MACROD2: variants seen among roughly 807,000 people sequenced by gnomAD.
MACROD2 encodes the protein mono-ADP ribosylhydrolase 2, also known as ADP-ribose glycohydrolase MACROD2.
A neutral mutation model predicts 70.4 loss-of-function variants in MACROD2; 36 were observed. The ratio of observed to expected loss-of-function variants is 0.51; its 90% CI spans 0.39 to 0.68. The LOEUF (loss-of-function observed/expected upper bound fraction) is 0.68, where lower values mean the gene tolerates loss of function less well. Among genes scored for constraint, MACROD2 ranks in the 30% least tolerant of loss-of-function variants. The probability of loss-of-function intolerance (pLI) is 0.00; values close to 1 mark genes in which losing one functional copy is unlikely to be tolerated. For missense variants in MACROD2, 496 were observed against 538.4 expected (o/e 0.92, Z 0.78); for synonymous variants, 172 against 178.8 (o/e 0.96, Z 0.30).
At chr20:14,474,368 G>A (rs1302003745) in intron 3 of MACROD2, among the ~76,000 whole-genome samples, 1 of 152,004 alleles carries the variant, frequency 6.6e-6, no homozygotes, top group Non-Finnish European at 1.5e-5. Flanking sequence ...TTAAAATTTT[G>A]TTAAGACTTG....
At chr20:14,716,819 C>T (rs1443230782) in intron 5 of MACROD2, among the ~76,000 whole-genome samples, 1 of 151,840 alleles carries the variant, frequency 6.6e-6, no homozygotes, top group African/African-American at 2.4e-5. Flanking sequence ...ACGAGACTAG[C>T]TTCCTAGTTC....
At chr20:15,889,306 T>C (rs1318944079) in intron 10 of MACROD2, among the ~76,000 whole-genome samples, 2 of 152,186 alleles carry the variant, frequency 1.3e-5, no homozygotes, top group East Asian at 1.9e-4. Context: ...CAGACTTTAA[T>C]TGGGCATGTA....
At chr20:14,792,091 G>A (rs146253132) in intron 5 of MACROD2, among the ~76,000 whole-genome samples, 1 of 151,858 alleles carries the variant, frequency 6.6e-6, no homozygotes, top group African/African-American at 2.4e-5. Flanking sequence ...AATGAAAGAT[G>A]CATTATATAA....
intron 10 of MACROD2, among the ~76,000 whole-genome samples, chr20:15,926,757 G>A (rs2147303467): frequency 6.6e-6 from 1 of 152,296 alleles, no homozygotes; most frequent in South Asian, 2.1e-4. Context: ...ACAGCACAGA[G>A]GCCAGCATGG....
chr20:14,698,826 A>G (rs2071159092), intron 5 of MACROD2, among the ~76,000 whole-genome samples: 1 of 150,258 alleles, frequency 6.7e-6, no homozygotes, highest in Non-Finnish European at 1.5e-5. Flanking sequence ...TAATTTAATT[A>G]TTTATAATTA....
chr20:15,678,916 G>C (rs1363527431), intron 8 of MACROD2, among the ~76,000 whole-genome samples: 3 of 152,276 alleles, frequency 2.0e-5, no homozygotes, highest in African/African-American at 7.2e-5. Context: ...AGCTTCCAAA[G>C]TGAGGTCATT....
At chr20:14,081,205 A>G (rs2053989865) in intron 2 of MACROD2, among the ~76,000 whole-genome samples, 1 of 152,200 alleles carries the variant, frequency 6.6e-6, no homozygotes, top group South Asian at 2.1e-4. Context: ...TGCCTTCAGC[A>G]AGAATACTGT....
In MACROD2 at chr20:15,000,629, C is replaced by CAAAAAA. The variant is rs398040701; in HGVS notation, c.419-229284_419-229279dup. 4.4e-3 allele frequency among the ~76,000 whole-genome samples: 97 copies of CAAAAAA among 21,960 alleles called. 15 individuals are homozygous for CAAAAAA. The highest frequency in any genetic ancestry group is 0.014 in the South Asian group (3 of 218). The allele number at this position is 21,960 out of a possible 152,430, so 14.4% of individuals were successfully genotyped here. A position where few individuals can be genotyped will look rare whatever the true frequency, so the allele number is the denominator to read the frequency against. On this transcript the variant is annotated intron_variant, in intron 5 of 17. Transcript: ENST00000684519. ...TGGGCGACAGAGCGAGACTCCGTCT[C>CAAAAAA]AAAAAAAAAAAAAAAAAAAAAAAAA...
chr20:15,694,024 G>T (rs1600768845), intron 8 of MACROD2, among the ~76,000 whole-genome samples: 2 of 152,242 alleles, frequency 1.3e-5, no homozygotes, highest in Middle Eastern at 6.8e-3. Context: ...TCTCATCTAA[G>T]TCACTGCAAA....
intron 5 of MACROD2, among the ~76,000 whole-genome samples, chr20:15,097,810 C>A (rs2075844946): frequency 6.6e-6 from 1 of 152,118 alleles, no homozygotes; most frequent in South Asian, 2.1e-4. Flanking sequence ...TCGACAAACA[C>A]GTAGCTGGTT....
At chr20:14,569,948 C>T (rs1485788226) in intron 4 of MACROD2, among the ~76,000 whole-genome samples, 3 of 152,010 alleles carry the variant, frequency 2.0e-5, no homozygotes, top group Non-Finnish European at 4.4e-5. Flanking sequence ...AGTTCTACCA[C>T]ATCAGAAACA....
chr20:15,503,112 T>C (rs553019204), intron 8 of MACROD2, among the ~76,000 whole-genome samples: 1 of 152,304 alleles, frequency 6.6e-6, no homozygotes, highest in South Asian at 2.1e-4. Flanking sequence ...TAATGTCTGT[T>C]ATAAATGTAA....
chr20:14,421,891 G>A (rs1361110657), intron 3 of MACROD2, among the ~76,000 whole-genome samples: 1 of 152,024 alleles, frequency 6.6e-6, no homozygotes, highest in Non-Finnish European at 1.5e-5. Flanking sequence ...AGAGTATTCT[G>A]TATATGTGTG....
intron 3 of MACROD2, among the ~76,000 whole-genome samples, chr20:14,096,494 G>A (rs1016960285): frequency 6.6e-6 from 1 of 150,856 alleles, no homozygotes; most frequent in East Asian, 2.0e-4. Context: ...AGCTTACTGA[G>A]TAGCTGGGAT....
chr20:15,685,862 C>T (rs568867754), intron 8 of MACROD2, among the ~76,000 whole-genome samples: 1 of 152,316 alleles, frequency 6.6e-6, no homozygotes, highest in South Asian at 2.1e-4. Context: ...TTGATGGGGT[C>T]AGTTTGCTAC....
rs957815892 is a variant in MACROD2 at position 15,813,545 on chromosome 20, A to C, written c.646-49200A>C. On this transcript the variant is annotated intron_variant, in intron 8 of 17. Coordinates refer to ENST00000684519, the MANE Select transcript of MACROD2 (RefSeq NM_001351661.2). The stretch of plus-strand genomic sequence containing the variant: ...ATAATCATAGCATTTTGGGAGCCTG[A>C]GGCAAGAGGATCACTTGAGCTCATG... Among the ~76,000 whole-genome samples the C allele has an allele frequency of 3.9e-4, 60 of 152,184 alleles. 1 individual carries two copies. The highest frequency in any genetic ancestry group is 1.4e-3 in the African/African-American group (57 of 41,454).
intron 3 of MACROD2, among the ~76,000 whole-genome samples, chr20:14,332,655 G>A (rs536678638): frequency 6.6e-6 from 1 of 151,988 alleles, no homozygotes; most frequent in Non-Finnish European, 1.5e-5. Context: ...CTTAATGCTG[G>A]GGACTTTTAA....
chr20:15,872,861 T>C (rs561950573), intron 9 of MACROD2, among the ~76,000 whole-genome samples: 2 of 152,250 alleles, frequency 1.3e-5, no homozygotes, highest in East Asian at 3.9e-4. Flanking sequence ...AAATGGAAAA[T>C]GCAAACAGCC....
intron 3 of MACROD2, among the ~76,000 whole-genome samples, chr20:14,264,728 G>A (rs1601413718): frequency 6.6e-6 from 1 of 152,270 alleles, no homozygotes; most frequent in East Asian, 1.9e-4. Context: ...TTATGAGAAG[G>A]CCAGGATCTA....
Sources: gnomAD v4.1 joint callset for allele counts (sites outside exome capture counted in the v4.1 genomes callset) on GRCh38, gnomAD v4.1.1 for gene constraint, MANE v1.5 for transcripts, NCBI Gene and HGNC (gene_info 2026-07-23, HGNC 2026-07-21) for gene names.